Variants in ZNF124 observed in about 807,000 individuals in gnomAD.
The protein encoded by ZNF124 is zinc finger protein HZF-16.
A neutral mutation model predicts 26.6 loss-of-function variants in ZNF124; 25 were observed. The observed-to-expected ratio is 0.94, with a 90% CI of 0.68 to 1.31. ZNF124 has a LOEUF of 1.31. Ranked by LOEUF, ZNF124 falls within the 40% of genes most tolerant of loss-of-function variation. ZNF124 has a pLI of 0.00. For synonymous variants in ZNF124, 129 were observed against 133.3 expected (o/e 0.97, Z 0.22); for missense variants, 444 against 422.2 (o/e 1.05, Z -0.45).
At chr1:247,137,703 C>T (rs1055638148) in intron 3 of ZNF124, among the ~76,000 whole-genome samples, 1 of 151,900 alleles carries the variant, frequency 6.6e-6, no homozygotes, top group Non-Finnish European at 1.5e-5. Context: ...TTTCTGGAAT[C>T]TATCCATCTG....
chr1:247,128,066 C>G (rs554587559), intron 3 of ZNF124, among the ~76,000 whole-genome samples: 167 of 152,322 alleles, frequency 1.1e-3, no homozygotes, highest in African/African-American at 3.9e-3. Context: ...TTTCCAGTTT[C>G]TTCCTCGTAC....
intron 1 of ZNF124, 163 bp from the exon 2 acceptor site, chr1:247,159,976 GTTCTTTTTTTTTTT>G: frequency 4.1e-6 from 1 of 246,190 alleles, no homozygotes; most frequent in Non-Finnish European, 6.7e-6. Flanking sequence ...CCACATAGCA[GTTCTTTTTTTTTTT>G]TTTTTTTTTT....
chr1:247,152,337 T>C (rs1416208322), downstream of ZNF124, among the ~76,000 whole-genome samples: 1 of 149,920 alleles, frequency 6.7e-6, no homozygotes, highest in Non-Finnish European at 1.5e-5. Flanking sequence ...AATAACTATA[T>C]ATGTAATTAT....
At chr1:247,163,812 A>G (rs1490784875) in intron 1 of ZNF124, among the ~76,000 whole-genome samples, 5 of 152,102 alleles carry the variant, frequency 3.3e-5, no homozygotes, top group African/African-American at 1.2e-4. Context: ...GCAGGCATAC[A>G]ACACATGGCA....
chr1:247,159,618 G>A, intron 2 of ZNF124, 69 bp downstream of exon 2: 1 of 1,533,690 alleles, frequency 6.5e-7, no homozygotes, highest in Non-Finnish European at 8.9e-7. Flanking sequence ...CCAAATCATG[G>A]AATGACATTG....
intron 3 of ZNF124, among the ~76,000 whole-genome samples, chr1:247,146,264 A>T (rs1037795194): frequency 8.5e-5 from 13 of 152,392 alleles, no homozygotes; most frequent in African/African-American, 2.6e-4. Flanking sequence ...GCAGCAGGGC[A>T]TAAAATTTCC....
At chr1:247,131,436 G>A (rs1672364955) in intron 3 of ZNF124, among the ~76,000 whole-genome samples, 1 of 152,218 alleles carries the variant, frequency 6.6e-6, no homozygotes. Context: ...AGGGGGAGGG[G>A]CAACCAGCAC....
chr1:247,130,892 A>G (rs1295110877), intron 3 of ZNF124, among the ~76,000 whole-genome samples: 2 of 152,180 alleles, frequency 1.3e-5, no homozygotes, highest in African/African-American at 4.8e-5. Flanking sequence ...CCTGACCAAC[A>G]TGGTGAAACC....
rs1673200103 is a variant in ZNF124, at chr1:247,157,205, T to A, written c.417A>T (p.Ile139=). The A allele has an allele frequency of 6.2e-7, 1 of 1,614,152 alleles. No homozygotes were observed. ...KVFNIPSSFQ[I]HQRNHTGEKP... ...TCTCTCCAGTGTGATTTCTCTGATG[T>A]ATCTGAAATGAACTGGGAATATTAA... Residue 139 remains isoleucine (I), a synonymous_variant, in exon 4 of 4, where the codon ATA becomes ATT. Coordinates refer to ENST00000543802, the MANE Select transcript of ZNF124 (RefSeq NM_001297568.2).
At chr1:247,151,478 CAA>C (rs565076160), downstream of ZNF124, among the ~76,000 whole-genome samples, 14 of 73,680 alleles carry the variant, frequency 1.9e-4, no homozygotes, top group Non-Finnish European at 2.9e-4. Flanking sequence ...GACTCCGTCT[CAA>C]AAAAAAAAAA....
At chr1:247,159,636 T>A (rs1673357509) in intron 2 of ZNF124, 51 bp downstream of exon 2, 2 of 1,587,374 alleles carry the variant, frequency 1.3e-6, no homozygotes, top group East Asian at 2.2e-5. Flanking sequence ...TTGAAAACCA[T>A]GAAACACTTA....
chr1:247,151,490 A>AAAAAC (rs1553333369), downstream of ZNF124, among the ~76,000 whole-genome samples: 2 of 152,048 alleles, frequency 1.3e-5, no homozygotes. Flanking sequence ...AAAAAAAAAA[A>AAAAAC]AAAAACCATG....
At position 247,156,442 on chromosome 1, in the gene ZNF124, G is replaced by T; in HGVS notation, c.*124C>A. The stretch of plus-strand genomic sequence containing the variant: ...TAGTCATAGGGTTTATCTCCAGTTT[G>T]ATTCGTTTCATGTATTTGAGGAAAT... On this transcript the variant is annotated 3_prime_UTR_variant, in exon 4 of 4. Coordinates refer to ENST00000543802, the MANE Select transcript of ZNF124 (RefSeq NM_001297568.2). 1 of 1,342,656 alleles carries T rather than the reference G, an allele frequency of 7.4e-7. No homozygotes were observed. Among genetic ancestry groups the T allele is most frequent in the Non-Finnish European group, 9.5e-7 (1 of 1,047,188 alleles). 83.2% of individuals were successfully genotyped at this position (1,342,656 alleles called of 1,614,324 possible).
chr1:247,149,862 A>G (rs1201587438), intron 3 of ZNF124: 1 of 152,246 alleles, frequency 6.6e-6, no homozygotes, highest in Non-Finnish European at 1.5e-5. Flanking sequence ...GCTTACAGTT[A>G]TATAGGCTGG....
chr1:247,137,556 C>T (rs1672517327), intron 3 of ZNF124, among the ~76,000 whole-genome samples: 1 of 147,146 alleles, frequency 6.8e-6, no homozygotes, highest in African/African-American at 2.5e-5. Flanking sequence ...GCGTGGGCAA[C>T]TTCATGGCAA....
chr1:247,130,937 G>A (rs182061550), intron 3 of ZNF124, among the ~76,000 whole-genome samples: 99 of 152,308 alleles, frequency 6.5e-4, no homozygotes, highest in Non-Finnish European at 1.2e-3. Flanking sequence ...TTAGCTGGGC[G>A]TGGTGGCGTA....
intron 1 of ZNF124, among the ~76,000 whole-genome samples, chr1:247,162,165 A>C (rs1673517148): frequency 6.6e-6 from 1 of 152,328 alleles, no homozygotes; most frequent in Admixed American, 6.5e-5. Flanking sequence ...AACACACGTA[A>C]GTACATAGAC....
At chr1:247,128,642 C>G (rs1424011534) in intron 3 of ZNF124, among the ~76,000 whole-genome samples, 1 of 151,332 alleles carries the variant, frequency 6.6e-6, no homozygotes, top group African/African-American at 2.4e-5. Context: ...CTCTTACCCC[C>G]GTTATCACTC....
intron 1 of ZNF124, among the ~76,000 whole-genome samples, chr1:247,165,326 G>C (rs966945889): frequency 6.6e-6 from 1 of 152,090 alleles, no homozygotes; most frequent in Non-Finnish European, 1.5e-5. Context: ...CTTCCTATTC[G>C]ATAAATGGTG....
Sources: allele counts gnomAD v4.1 joint callset (sites outside exome capture counted in the v4.1 genomes callset), GRCh38; gene constraint gnomAD v4.1.1; transcripts MANE v1.5; gene names NCBI Gene and HGNC (gene_info 2026-07-23, HGNC 2026-07-21).